The following TMEM178B variants were observed in gnomAD, a reference collection of about 807,000 sequenced individuals.
TMEM178B encodes transmembrane protein 178B.
Under a neutral mutation model 31.0 loss-of-function variants are expected in TMEM178B, and 5 were observed. The ratio of observed to expected loss-of-function variants is 0.16; its 90% CI spans 0.08 to 0.34. The LOEUF (loss-of-function observed/expected upper bound fraction) is 0.34. TMEM178B is among the 10% of genes least tolerant of loss of function. The pLI is 1.00. For missense variants in TMEM178B, 275 were observed against 400.3 expected (o/e 0.69, Z 2.67); for synonymous variants, 164 against 164.0 (o/e 1.00, Z 0.00).
chr7:141,103,357 G>A (rs1431900900), intron 1 of TMEM178B, among the ~76,000 whole-genome samples: 5 of 152,116 alleles, frequency 3.3e-5, no homozygotes, highest in East Asian at 1.9e-4. Context: ...TTTCTCTCTC[G>A]TATCCTCTTT....
At chr7:141,338,428 A>C (rs570613422) in intron 2 of TMEM178B, among the ~76,000 whole-genome samples, 448 of 152,250 alleles carry the variant, frequency 2.9e-3, no homozygotes, top group Non-Finnish European at 5.6e-3. Context: ...GCTGGAGGGC[A>C]CTCTTATTCT....
In TMEM178B at chr7:141,299,195, G is replaced by C. The variant is rs184206111; in HGVS notation, c.496+86491G>C. Among the ~76,000 whole-genome samples, 267 of 151,854 alleles carry C rather than the reference G, an allele frequency of 1.8e-3. 1 individual carries two copies. Among genetic ancestry groups the C allele is most frequent in the African/African-American group, 6.0e-3 (248 of 41,442 alleles). Reference sequence around the variant, plus strand: ...AGCCAGTTTCTTTTTTCTCTTTTTTGAGATGGAGTCTCACTCTGTCACCCA... The same window carrying C: ...AGCCAGTTTCTTTTTTCTCTTTTTTCAGATGGAGTCTCACTCTGTCACCCA... On this transcript the variant is annotated intron_variant, in intron 2 of 3. Coordinates refer to ENST00000565468, the MANE Select transcript of TMEM178B (RefSeq NM_001195278.2).
At chr7:141,388,912 T>C (rs1232159435) in intron 2 of TMEM178B, among the ~76,000 whole-genome samples, 2 of 143,586 alleles carry the variant, frequency 1.4e-5, no homozygotes, top group Non-Finnish European at 3.1e-5. Context: ...GTTACCACTT[T>C]GGCAAACTCA....
At chr7:141,231,069 A>G (rs1424239923) in intron 2 of TMEM178B, among the ~76,000 whole-genome samples, 1 of 152,218 alleles carries the variant, frequency 6.6e-6, no homozygotes, top group Non-Finnish European at 1.5e-5. Context: ...CCCAGCAGCT[A>G]CTTAAATGGG....
chr7:141,310,162 G>T (rs112542708), intron 2 of TMEM178B, among the ~76,000 whole-genome samples: 7 of 152,140 alleles, frequency 4.6e-5, no homozygotes, highest in African/African-American at 1.7e-4. Flanking sequence ...CTACAGAATG[G>T]GAGAAAATTT....
At chr7:141,218,231 C>T (rs1486422176) in intron 2 of TMEM178B, among the ~76,000 whole-genome samples, 4 of 152,034 alleles carry the variant, frequency 2.6e-5, no homozygotes, top group Non-Finnish European at 1.5e-5. Flanking sequence ...GATCCTTGCA[C>T]ACCTGGGGCA....
chr7:141,344,559 C>A lies in TMEM178B; in HGVS notation c.497-93049C>A, dbSNP rs1273591310. On this transcript the variant is annotated intron_variant, in intron 2 of 3. Transcript: ENST00000565468. This position sits in a 1 kb window ranked among gnomAD's most constrained non-coding sequence, Gnocchi z 4.1. Reference sequence around the variant, plus strand: ...GATTTTAGTTTCTCCCTCCCTCCCTCCATTCCTCCCTCCTCCCTTCCTTCC... The same window carrying A: ...GATTTTAGTTTCTCCCTCCCTCCCTACATTCCTCCCTCCTCCCTTCCTTCC... Among the ~76,000 whole-genome samples the A allele has an allele frequency of 6.7e-6, 1 of 149,898 alleles. No homozygotes were observed. Among genetic ancestry groups the A allele is most frequent in the African/African-American group, 2.5e-5 (1 of 40,484 alleles).
intron 2 of TMEM178B, among the ~76,000 whole-genome samples, chr7:141,224,089 A>C (rs1201732949): frequency 6.6e-6 from 1 of 152,020 alleles, no homozygotes; most frequent in Non-Finnish European, 1.5e-5. Flanking sequence ...TGTTTTTATA[A>C]AGCGTTTCCC....
At chr7:141,482,067 G>A (rs1190485349), downstream of TMEM178B, among the ~76,000 whole-genome samples, 1 of 152,140 alleles carries the variant, frequency 6.6e-6, no homozygotes, top group Non-Finnish European at 1.5e-5. Context: ...TTTTTCCAAT[G>A]CAGCACCACT....
At chr7:141,409,676 C>T (rs1220614069) in intron 2 of TMEM178B, among the ~76,000 whole-genome samples, 1 of 151,934 alleles carries the variant, frequency 6.6e-6, no homozygotes, top group Admixed American at 6.6e-5. Context: ...AAGAGAACAG[C>T]AAGAGTTCCT....
At chr7:141,097,336 G>C (rs938624333) in intron 1 of TMEM178B, among the ~76,000 whole-genome samples, 1 of 137,298 alleles carries the variant, frequency 7.3e-6, no homozygotes, top group Non-Finnish European at 1.5e-5. Context: ...ACTGCAGTCC[G>C]GCCTGGGCGA....
intron 2 of TMEM178B, among the ~76,000 whole-genome samples, chr7:141,249,775 G>A (rs990762937): frequency 6.6e-6 from 1 of 152,124 alleles, no homozygotes; most frequent in Admixed American, 6.6e-5. Context: ...AATGGTTGTT[G>A]GTACTATTTC....
chr7:141,373,710 A>G (rs1469564264), intron 2 of TMEM178B, among the ~76,000 whole-genome samples: 1 of 152,212 alleles, frequency 6.6e-6, no homozygotes, highest in East Asian at 1.9e-4. Flanking sequence ...TGGGTGAGGC[A>G]GCCTCCACTG....
intron 2 of TMEM178B, among the ~76,000 whole-genome samples, chr7:141,230,704 A>G (rs1482559590): frequency 6.6e-6 from 1 of 152,200 alleles, no homozygotes; most frequent in African/African-American, 2.4e-5. Context: ...TAGTGCAGTC[A>G]TGGCTCACTG....
At chr7:141,371,892 C>T (rs1264795324) in intron 2 of TMEM178B, among the ~76,000 whole-genome samples, 2 of 152,186 alleles carry the variant, frequency 1.3e-5, no homozygotes, top group African/African-American at 4.8e-5. Context: ...ATTGCTCTAC[C>T]AGTGCTCCAC....
the TMEM178B span, among the ~76,000 whole-genome samples, chr7:141,504,819 C>T: frequency 7.9e-5 from 12 of 152,218 alleles, no homozygotes; most frequent in Non-Finnish European, 1.6e-4. Flanking sequence ...CCCAACAAAA[C>T]AATCTTTCTT....
intron 2 of TMEM178B, among the ~76,000 whole-genome samples, chr7:141,265,852 A>G (rs1798087305): frequency 6.6e-6 from 1 of 152,234 alleles, no homozygotes; most frequent in Admixed American, 6.5e-5. Context: ...CACGTAACTC[A>G]TAGAGAACCG....
chr7:141,292,634 C>CTTTTTT (rs34248650), intron 2 of TMEM178B, among the ~76,000 whole-genome samples: 9 of 106,124 alleles, frequency 8.5e-5, no homozygotes, highest in Non-Finnish European at 1.3e-4. Flanking sequence ...GCTTTTAGAT[C>CTTTTTT]TTTTTTTTTT....
At chr7:141,218,928 A>G (rs553218067) in intron 2 of TMEM178B, among the ~76,000 whole-genome samples, 185 of 151,750 alleles carry the variant, frequency 1.2e-3, no homozygotes, top group Non-Finnish European at 2.1e-3. Flanking sequence ...CTTTCTTCCC[A>G]CTCAGAACTC....
Sources: gnomAD v4.1 joint callset for allele counts (sites outside exome capture counted in the v4.1 genomes callset) on GRCh38, gnomAD v4.1.1 for gene constraint, Gnocchi (gnomAD v3.1) non-coding constraint, MANE v1.5 for transcripts, NCBI Gene and HGNC (gene_info 2026-07-23, HGNC 2026-07-21) for gene names.